FBXO15: variants seen among roughly 807,000 people sequenced by gnomAD.
FBXO15 encodes F-box protein 15, also known as F-box only protein 15.
A neutral mutation model predicts 49.5 loss-of-function variants in FBXO15; 30 were observed. That is an observed-to-expected ratio of 0.61 (90% confidence interval 0.45 to 0.82). FBXO15 has a LOEUF of 0.82. Among genes scored for constraint, FBXO15 ranks in the 40% least tolerant of loss-of-function variants. The pLI, the probability that FBXO15 is intolerant of heterozygous loss-of-function variation, is 0.00. For synonymous variants in FBXO15, 250 were observed against 232.7 expected, an observed-to-expected ratio of 1.07 and a Z score of -0.68; for missense variants, 591 against 631.5, an observed-to-expected ratio of 0.94 and a Z score of 0.69.
Position 74,135,883 on chromosome 18 carries a change from AG to A in FBXO15, c.228-18del. 1 of 1,584,492 alleles carries A rather than the reference AG, an allele frequency of 6.3e-7. No homozygotes were observed. ...GAAGGCATTCTGCAAAAACAGAAAA[AG>A]AAAAAAAAAATCACCAGAGTGGACC... On this transcript the variant is annotated intron_variant, in intron 2 of 9. Transcript: ENST00000419743.
At chr18:74,127,693 C>T (rs1344844901) in intron 5 of FBXO15, among the ~76,000 whole-genome samples, 1 of 152,204 alleles carries the variant, frequency 6.6e-6, no homozygotes, top group African/African-American at 2.4e-5. Flanking sequence ...CAAAGGCTGG[C>T]TGGAGTCCAT....
At chr18:74,125,780 C>T (rs1381472896) in intron 6 of FBXO15, among the ~76,000 whole-genome samples, 195 bp downstream of exon 6, 1 of 152,000 alleles carries the variant, frequency 6.6e-6, no homozygotes, top group Non-Finnish European at 1.5e-5. Context: ...TCTATCATAG[C>T]AGAACAGCAC....
chr18:74,147,531 T>G, intron 1 of FBXO15, 139 bp downstream of exon 1: 20 of 1,246,406 alleles, frequency 1.6e-5, no homozygotes, highest in East Asian at 3.2e-5. Flanking sequence ...CTCCGGTCGT[T>G]CTTCCATACC....
At position 74,140,253 on chromosome 18, in the gene FBXO15, C is replaced by G; in HGVS notation, c.176G>C (p.Gly59Ala). ...GAAAGAGCTCTCCCAGTGCTGTCCACCTCCGGCATGGCACCTCAGGGCAGC... is the reference window on the plus strand; with the variant it reads ...GAAAGAGCTCTCCCAGTGCTGTCCAGCTCCGGCATGGCACCTCAGGGCAGC... ...GSAALRCHAG[G>A]GQHWESSFSC... The change falls in exon 2 of 10, where the codon GGT (glycine) becomes GCT (alanine). Residue 59 changes from glycine (G) to alanine (A), a missense_variant. By Grantham distance (60) the Gly-to-Ala change is moderately conservative. Transcript: ENST00000419743. 2.6e-6 allele frequency: 4 copies of G among 1,551,584 alleles called. No individual in the cohort carries two copies. The highest frequency in any genetic ancestry group is 3.5e-6 in the Non-Finnish European group (4 of 1,146,972).
intron 8 of FBXO15, among the ~76,000 whole-genome samples, chr18:74,119,241 C>T (rs918842392): frequency 3.9e-5 from 6 of 152,178 alleles, no homozygotes; most frequent in Admixed American, 6.5e-5. Flanking sequence ...CTGGCCAATG[C>T]GGCTGAGAAT....
At chr18:74,094,323 GTTGT>G (rs930140293) in intron 8 of FBXO15, among the ~76,000 whole-genome samples, 2 of 152,048 alleles carry the variant, frequency 1.3e-5, no homozygotes, top group African/African-American at 2.4e-5. Context: ...GCAAAATCTG[GTTGT>G]TTAAAAGTAT....
chr18:74,117,338 T>A (rs1452500101), intron 8 of FBXO15, among the ~76,000 whole-genome samples: 1 of 152,168 alleles, frequency 6.6e-6, no homozygotes, highest in Non-Finnish European at 1.5e-5. Context: ...TTATGCGTTA[T>A]AACAACCATA....
chr18:74,091,720 C>A (rs1913036074), intron 8 of FBXO15, among the ~76,000 whole-genome samples: 1 of 152,206 alleles, frequency 6.6e-6, no homozygotes, highest in Admixed American at 6.5e-5. Flanking sequence ...GGCACTCATT[C>A]TTTTCTGTAG....
chr18:74,091,088 A>G (rs1913004559), intron 8 of FBXO15, among the ~76,000 whole-genome samples: 1 of 152,204 alleles, frequency 6.6e-6, no homozygotes, highest in Non-Finnish European at 1.5e-5. Flanking sequence ...TGTTGGGTGC[A>G]TACATATTTA....
chr18:74,121,637 A>G (rs58010055), intron 8 of FBXO15, among the ~76,000 whole-genome samples: 1 of 152,190 alleles, frequency 6.6e-6, no homozygotes, highest in South Asian at 2.1e-4. Flanking sequence ...GACAAAGAGG[A>G]TATCTACAGG....
chr18:74,135,758 T>A lies in FBXO15; in HGVS notation c.332+4A>T. The A allele has an allele frequency of 6.3e-7, 1 of 1,595,068 alleles. No homozygotes were observed. The highest frequency in any genetic ancestry group is 1.2e-5 in the South Asian group (1 of 85,904). ...ACATAACAGAGACTTGGATTTCTGCTTACTTGTCATTGGCTAGATGATAAA... is the reference window on the plus strand; with the variant it reads ...ACATAACAGAGACTTGGATTTCTGCATACTTGTCATTGGCTAGATGATAAA... On this transcript the variant is annotated splice_donor_region_variant and intron_variant, in intron 3 of 9. Transcript: ENST00000419743.
At chr18:74,143,224 A>C (rs1330491563) in intron 1 of FBXO15, among the ~76,000 whole-genome samples, 1 of 152,228 alleles carries the variant, frequency 6.6e-6, no homozygotes, top group Non-Finnish European at 1.5e-5. Context: ...TACCTTACTG[A>C]ATCAGTAACA....
intron 8 of FBXO15, among the ~76,000 whole-genome samples, chr18:74,083,493 G>A (rs1266893937): frequency 2.0e-5 from 3 of 152,196 alleles, no homozygotes; most frequent in African/African-American, 4.8e-5. Context: ...TGACTGGTGC[G>A]GCAAAGGCAG....
intron 8 of FBXO15, among the ~76,000 whole-genome samples, chr18:74,101,486 C>T (rs1913517803): frequency 6.6e-6 from 1 of 152,092 alleles, no homozygotes; most frequent in Non-Finnish European, 1.5e-5. Context: ...AATGAAAACA[C>T]ATCCCATGCT....
chr18:74,143,740 G>A (rs1979230655), intron 1 of FBXO15, among the ~76,000 whole-genome samples: 1 of 152,310 alleles, frequency 6.6e-6, no homozygotes, highest in East Asian at 1.9e-4. Flanking sequence ...ATGGCCTCCA[G>A]GTGTCTATAT....
At chr18:74,137,517 A>T (rs916316272) in intron 2 of FBXO15, among the ~76,000 whole-genome samples, 1 of 152,236 alleles carries the variant, frequency 6.6e-6, no homozygotes, top group East Asian at 1.9e-4. Flanking sequence ...CTTCCTCCCC[A>T]CTGGACTAAC....
chr18:74,099,868 A>T (rs989483119), intron 8 of FBXO15: 5 of 152,220 alleles, frequency 3.3e-5, no homozygotes, highest in African/African-American at 1.2e-4. Flanking sequence ...AAAATATCAC[A>T]GTCCTAAAAA....
chr18:74,136,805 G>T (rs1978752054), intron 2 of FBXO15, among the ~76,000 whole-genome samples: 1 of 152,128 alleles, frequency 6.6e-6, no homozygotes, highest in Non-Finnish European at 1.5e-5. Flanking sequence ...TCAGCAAAAG[G>T]GCAAGCGGCA....
chr18:74,141,638 C>A (rs1186616415), intron 1 of FBXO15, among the ~76,000 whole-genome samples: 3 of 152,128 alleles, frequency 2.0e-5, no homozygotes, highest in South Asian at 2.1e-4. Flanking sequence ...AATGAACCAA[C>A]CCCCCTGAAA....
Sources: allele counts gnomAD v4.1 joint callset (sites outside exome capture counted in the v4.1 genomes callset), GRCh38; gene constraint gnomAD v4.1.1; transcripts MANE v1.5; gene names NCBI Gene and HGNC (gene_info 2026-07-23, HGNC 2026-07-21).